RELL1: variants seen among roughly 807,000 people sequenced by gnomAD.
RELL1 encodes the protein RELT-like protein 1.
In RELL1, 10 loss-of-function variants were observed where a neutral mutation model predicts 23.0. That is an observed-to-expected ratio of 0.43 (90% CI 0.27 to 0.74). The LOEUF is 0.74. Among genes scored for constraint, RELL1 ranks in the 30% least tolerant of loss-of-function variants. The probability of loss-of-function intolerance (pLI) is 0.19; values close to 1 mark genes in which losing one functional copy is unlikely to be tolerated. For synonymous variants in RELL1, 146 were observed against 146.8 expected, an observed-to-expected ratio of 0.99 and a Z score of 0.04; for missense variants, 315 against 364.4, an observed-to-expected ratio of 0.86 and a Z score of 1.10.
At chr4:37,667,735 C>CT (rs33933668) in intron 1 of RELL1, among the ~76,000 whole-genome samples, 7 of 150,752 alleles carry the variant, frequency 4.6e-5, no homozygotes, top group Admixed American at 1.3e-4. Context: ...GTCAATTTAT[C>CT]TTTTTTTTTA....
At chr4:37,625,623 C>T (rs149946649) in intron 6 of RELL1, among the ~76,000 whole-genome samples, 51 of 152,202 alleles carry the variant, frequency 3.4e-4, no homozygotes, top group South Asian at 6.2e-4. Flanking sequence ...GCCATCAAAT[C>T]CAAATTTGAG....
At chr4:37,669,094 GGAGGTGAGGGGCGCCTCTGC>G (rs1721670210) in intron 1 of RELL1, among the ~76,000 whole-genome samples, 1 of 135,018 alleles carries the variant, frequency 7.4e-6, no homozygotes, top group Admixed American at 7.0e-5. Context: ...GCCCCGTCTG[GGAGGTGAGGGGCGCCTCTGC>G]CCGGCCGCCC....
At chr4:37,628,831 G>A (rs1047156474) in intron 6 of RELL1, among the ~76,000 whole-genome samples, 15 of 152,184 alleles carry the variant, frequency 9.9e-5, no homozygotes, top group Non-Finnish European at 1.3e-4. Context: ...TCCAATCCTC[G>A]TTTATATAAT....
At chr4:37,669,985 T>G (rs1047078416) in intron 1 of RELL1, among the ~76,000 whole-genome samples, 4 of 150,088 alleles carry the variant, frequency 2.7e-5, no homozygotes, top group Non-Finnish European at 4.4e-5. Flanking sequence ...ACTATTGTCC[T>G]GTGACCCTGC....
intron 4 of RELL1, among the ~76,000 whole-genome samples, chr4:37,635,804 C>T (rs561316039): frequency 1.6e-4 from 24 of 152,308 alleles, no homozygotes; most frequent in African/African-American, 4.6e-4. Context: ...GCCTATCACT[C>T]TAAGCAAAGA....
chr4:37,670,779 G>A (rs186758374), intron 1 of RELL1, among the ~76,000 whole-genome samples: 171 of 152,026 alleles, frequency 1.1e-3, no homozygotes, highest in South Asian at 4.0e-3. Context: ...TCACCATGTT[G>A]GCCAAGATGA....
At chr4:37,613,788 T>A (rs1719485637) in intron 6 of RELL1, among the ~76,000 whole-genome samples, 1 of 152,234 alleles carries the variant, frequency 6.6e-6, no homozygotes, top group African/African-American at 2.4e-5. Flanking sequence ...CTGGATTGTA[T>A]TTTTAAGTCA....
In RELL1 at chr4:37,612,335, AAAACAAAAAAAAAC is replaced by A. The variant is rs1443179032; in HGVS notation, c.*997_*1010del. On this transcript the variant is annotated 3_prime_UTR_variant, in exon 7 of 7. Coordinates refer to ENST00000454158, the MANE Select transcript of RELL1 (RefSeq NM_001085400.2). ...TCAGCTAAAGGTTAAAAAAAAAAAA[AAAACAAAAAAAAAC>A]AAAAAACCGGGTGCAGTGGCCCACG... Among the ~76,000 whole-genome samples the A allele has an allele frequency of 0.011, 269 of 24,658 alleles. No homozygotes were observed. Among genetic ancestry groups the A allele is most frequent in the African/African-American group, 0.02 (259 of 13,152 alleles). The allele number at this position is 24,658 out of a possible 152,430, so 16.2% of individuals were successfully genotyped here.
chr4:37,642,088 G>T (rs375504403), intron 3 of RELL1, among the ~76,000 whole-genome samples: 1 of 152,076 alleles, frequency 6.6e-6, no homozygotes, highest in Admixed American at 6.6e-5. Flanking sequence ...CCAAGTCCCC[G>T]CCCAAAGGGA....
At chr4:37,602,932 A>G (rs1394454292) in intron 6 of RELL1, among the ~76,000 whole-genome samples, 1 of 152,248 alleles carries the variant, frequency 6.6e-6, no homozygotes, top group African/African-American at 2.4e-5. Context: ...ACAAGCTCCC[A>G]GGTGAGAAAA....
At chr4:37,633,064 G>C (rs1410059714) in intron 5 of RELL1, among the ~76,000 whole-genome samples, 1 of 152,102 alleles carries the variant, frequency 6.6e-6, no homozygotes, top group African/African-American at 2.4e-5. Flanking sequence ...ATCATTAAGC[G>C]CTCCTAGTAT....
At chr4:37,609,318 C>T (rs1021439903), downstream of RELL1, among the ~76,000 whole-genome samples, 3 of 152,258 alleles carry the variant, frequency 2.0e-5, no homozygotes, top group East Asian at 5.8e-4. Context: ...ACATTTAAAG[C>T]CCACTGTTGA....
downstream of RELL1, among the ~76,000 whole-genome samples, chr4:37,606,023 AGAAG>A (rs925434100): frequency 7.2e-5 from 9 of 124,410 alleles, no homozygotes; most frequent in African/African-American, 2.5e-4. This position sits in a 1 kb window ranked among gnomAD's most constrained non-coding sequence, Gnocchi z 4.1. Flanking sequence ...GAAGAGAAAG[AGAAG>A]GAAGGAGAAA....
At chr4:37,595,304 T>G (rs894909339) in intron 6 of RELL1, among the ~76,000 whole-genome samples, 1 of 152,226 alleles carries the variant, frequency 6.6e-6, no homozygotes, top group Non-Finnish European at 1.5e-5. Context: ...TAAGAAACAT[T>G]TTATGCAAGT....
downstream of RELL1, among the ~76,000 whole-genome samples, chr4:37,608,052 A>G (rs1351316982): frequency 6.6e-6 from 1 of 152,230 alleles, no homozygotes; most frequent in Admixed American, 6.5e-5. Flanking sequence ...TTGGGATGAC[A>G]TGAACTGTGC....
At chr4:37,660,303 C>A (rs894512567) in intron 1 of RELL1, among the ~76,000 whole-genome samples, 9 of 152,036 alleles carry the variant, frequency 5.9e-5, no homozygotes, top group Non-Finnish European at 1.3e-4. Context: ...CAAGCAGGAG[C>A]TGATGTTCTT....
intron 6 of RELL1, among the ~76,000 whole-genome samples, chr4:37,614,022 A>C (rs1051345503): frequency 6.6e-6 from 1 of 152,232 alleles, no homozygotes; most frequent in Non-Finnish European, 1.5e-5. Flanking sequence ...ATGCAGGTGA[A>C]CCCACACAAG....
chr4:37,667,607 C>G (rs1330669386), intron 1 of RELL1, among the ~76,000 whole-genome samples: 1 of 150,962 alleles, frequency 6.6e-6, no homozygotes, highest in Non-Finnish European at 1.5e-5. Context: ...AGGTAGAAAA[C>G]CTACAGATAA....
rs977382164 is a variant in RELL1, at chr4:37,613,175, C to G, written c.*171G>C. 6.6e-6 allele frequency: 1 copy of G among 152,194 alleles called. No individual in the cohort carries two copies. Among genetic ancestry groups the G allele is most frequent in the Non-Finnish European group, 1.5e-5 (1 of 68,034 alleles). 9.4% of individuals were successfully genotyped at this position (152,194 alleles called of 1,614,324 possible). A position where few individuals can be genotyped will look rare whatever the true frequency, so the allele number is the denominator to read the frequency against. On this transcript the variant is annotated 3_prime_UTR_variant, in exon 7 of 7. Coordinates refer to ENST00000454158, the MANE Select transcript of RELL1 (RefSeq NM_001085400.2). ...AGACTCTTTCAACCAAAACTTGTTTCAAAGCAAACTGAATTCTGTATATGG... is the reference window on the plus strand; with the variant it reads ...AGACTCTTTCAACCAAAACTTGTTTGAAAGCAAACTGAATTCTGTATATGG...
Sources: gnomAD v4.1 joint callset for allele counts (sites outside exome capture counted in the v4.1 genomes callset) on GRCh38, gnomAD v4.1.1 for gene constraint, Gnocchi (gnomAD v3.1) non-coding constraint, MANE v1.5 for transcripts, NCBI Gene and HGNC (gene_info 2026-07-23, HGNC 2026-07-21) for gene names.